Variants in SNTB1 observed in about 807,000 individuals in gnomAD.
SNTB1 encodes beta-1-syntrophin.
A neutral mutation model predicts 48.9 loss-of-function variants in SNTB1; 36 were observed. That is an observed-to-expected ratio of 0.74 (90% CI 0.56 to 0.97). The LOEUF is 0.97. Ranked by LOEUF, SNTB1 falls within the 50% of genes least tolerant of loss-of-function variation. The probability of loss-of-function intolerance (pLI) is 0.00; values close to 1 mark genes in which losing one functional copy is unlikely to be tolerated. For missense variants in SNTB1, 786 were observed against 703.4 expected, an observed-to-expected ratio of 1.12 and a Z score of -1.33; for synonymous variants, 299 against 294.6, an observed-to-expected ratio of 1.01 and a Z score of -0.15.
At chr8:120,577,086 A>G (rs1309652596) in intron 3 of SNTB1, among the ~76,000 whole-genome samples, 1 of 152,218 alleles carries the variant, frequency 6.6e-6, no homozygotes, top group East Asian at 1.9e-4. Flanking sequence ...GGGAAAAATT[A>G]TAAGACAAGC....
chr8:120,599,981 C>A (rs1422343242), intron 3 of SNTB1, among the ~76,000 whole-genome samples: 2 of 152,126 alleles, frequency 1.3e-5, no homozygotes, highest in Admixed American at 6.6e-5. Flanking sequence ...TGTTAAAAAC[C>A]AGAAAATGCC....
At chr8:120,789,442 CA>C (rs953688196) in intron 1 of SNTB1, among the ~76,000 whole-genome samples, 11 of 151,466 alleles carry the variant, frequency 7.3e-5, no homozygotes, top group Admixed American at 3.3e-4. Context: ...ATCAATGAAA[CA>C]AAAAGCTGGT....
intron 3 of SNTB1, among the ~76,000 whole-genome samples, chr8:120,621,303 A>G (rs1816790589): frequency 6.6e-6 from 1 of 152,184 alleles, no homozygotes; most frequent in Non-Finnish European, 1.5e-5. Context: ...GCTACTGAGC[A>G]GGAAAGTGAC....
In SNTB1 at chr8:120,537,395, C is replaced by T. The variant is rs1815218911; in HGVS notation, c.*1482G>A. 1 of 152,168 alleles carries T rather than the reference C, an allele frequency of 6.6e-6. No homozygotes were observed. Among genetic ancestry groups the T allele is most frequent in the Admixed American group, 6.5e-5 (1 of 15,282 alleles). 9.4% of individuals were successfully genotyped at this position (152,168 alleles called of 1,614,324 possible). The stretch of plus-strand genomic sequence containing the variant: ...CACCACTCAGTCAAGCCCCTTGGAA[C>T]TAGCGTCATATGATATATTCTTTGG... On this transcript the variant is annotated 3_prime_UTR_variant, in exon 7 of 7. Transcript: ENST00000517992.
chr8:120,613,720 A>G (rs1226853402), intron 3 of SNTB1, among the ~76,000 whole-genome samples: 1 of 152,232 alleles, frequency 6.6e-6, no homozygotes, highest in Non-Finnish European at 1.5e-5. Flanking sequence ...ATTACCATGT[A>G]TCCGGTAGTG....
intron 1 of SNTB1, among the ~76,000 whole-genome samples, chr8:120,761,044 A>C (rs58888282): frequency 0.21 from 32,603 of 152,110 alleles, 3,593 homozygotes; most frequent in Middle Eastern, 0.27. Context: ...AAAGACTATA[A>C]ACAAGGAAAG....
intron 4 of SNTB1, among the ~76,000 whole-genome samples, chr8:120,574,020 A>C (rs542831145): frequency 1.4e-4 from 21 of 152,332 alleles, no homozygotes; most frequent in Admixed American, 5.2e-4. Context: ...TTTACATATA[A>C]TTCAATATTA....
intron 1 of SNTB1, among the ~76,000 whole-genome samples, chr8:120,717,948 A>G (rs923115403): frequency 6.6e-6 from 1 of 152,224 alleles, no homozygotes; most frequent in Non-Finnish European, 1.5e-5. Flanking sequence ...TGTCTCGTCC[A>G]TCAGCCCTGA....
chr8:120,726,137 C>G (rs193205538), intron 1 of SNTB1, among the ~76,000 whole-genome samples: 2 of 152,112 alleles, frequency 1.3e-5, no homozygotes, highest in Admixed American at 6.6e-5. Flanking sequence ...TTGCTGGTGC[C>G]GTATAAGCAA....
In SNTB1 at chr8:120,538,752, T is replaced by C. The variant is rs767608215; in HGVS notation, c.*125A>G. On this transcript the variant is annotated 3_prime_UTR_variant, in exon 7 of 7. Coordinates refer to ENST00000517992, the MANE Select transcript of SNTB1 (RefSeq NM_021021.4). ...AGTCTGGGACAGTTACATACGACTCTTGAGAGCTAAAGCTGACTGTAGCAC... is the reference window on the plus strand; with the variant it reads ...AGTCTGGGACAGTTACATACGACTCCTGAGAGCTAAAGCTGACTGTAGCAC... 4.9e-6 allele frequency: 4 copies of C among 820,438 alleles called. No individual in the cohort carries two copies. The highest frequency in any genetic ancestry group is 2.1e-6 in the Non-Finnish European group (1 of 466,698). The allele number at this position is 820,438 out of a possible 1,614,324, so 50.8% of individuals were successfully genotyped here.
chr8:120,724,421 G>A (rs993817170), intron 1 of SNTB1, among the ~76,000 whole-genome samples: 1 of 152,158 alleles, frequency 6.6e-6, no homozygotes, highest in South Asian at 2.1e-4. Context: ...TTGTCTCCAC[G>A]CATGCACAAG....
intron 1 of SNTB1, among the ~76,000 whole-genome samples, chr8:120,777,493 C>A (rs1313756026): frequency 6.6e-6 from 1 of 152,134 alleles, no homozygotes; most frequent in African/African-American, 2.4e-5. Flanking sequence ...ACGATAGGCC[C>A]CTTTCTCCCA....
chr8:120,641,396 T>C (rs1162254909), intron 2 of SNTB1, among the ~76,000 whole-genome samples: 1 of 152,240 alleles, frequency 6.6e-6, no homozygotes, highest in Non-Finnish European at 1.5e-5. Flanking sequence ...TGTTTTCTTT[T>C]GAAGGCTGGC....
intron 2 of SNTB1, among the ~76,000 whole-genome samples, chr8:120,683,027 G>A (rs1039617946): frequency 3.3e-5 from 5 of 151,376 alleles, no homozygotes; most frequent in African/African-American, 4.8e-5. Flanking sequence ...GACTACAGGC[G>A]CCCGCCACTG....
At chr8:120,659,112 C>T (rs574077642) in intron 2 of SNTB1, among the ~76,000 whole-genome samples, 8 of 151,990 alleles carry the variant, frequency 5.3e-5, no homozygotes, top group South Asian at 2.1e-4. Context: ...TATAGGCGCA[C>T]GCCACCATGT....
intron 1 of SNTB1, among the ~76,000 whole-genome samples, chr8:120,791,484 T>C (rs67852639): frequency 0.11 from 16,847 of 151,972 alleles, 1,309 homozygotes; most frequent in African/African-American, 0.22. Context: ...GCAAAAGAAA[T>C]ACTCATCAGA....
intron 1 of SNTB1, among the ~76,000 whole-genome samples, chr8:120,698,688 TTGTAGAC>T (rs1376053047): frequency 6.6e-6 from 1 of 152,186 alleles, no homozygotes; most frequent in African/African-American, 2.4e-5. Flanking sequence ...TGGCTATCAA[TTGTAGAC>T]ATAATTGTAC....
chr8:120,686,989 CACAA>C (rs746880982), intron 2 of SNTB1, among the ~76,000 whole-genome samples: 9 of 152,128 alleles, frequency 5.9e-5, no homozygotes, highest in Non-Finnish European at 8.8e-5. Flanking sequence ...ATGTACTTTT[CACAA>C]ACAAAGACTT....
At chr8:120,720,061 C>A (rs779961881) in intron 1 of SNTB1, among the ~76,000 whole-genome samples, 1 of 152,184 alleles carries the variant, frequency 6.6e-6, no homozygotes, top group African/African-American at 2.4e-5. Flanking sequence ...TTCCAGTGAT[C>A]GGTGATGCAG....
Sources: allele counts gnomAD v4.1 joint callset (sites outside exome capture counted in the v4.1 genomes callset), GRCh38; gene constraint gnomAD v4.1.1; transcripts MANE v1.5; gene names NCBI Gene and HGNC (gene_info 2026-07-23, HGNC 2026-07-21).